GABRB3: variants seen among roughly 807,000 people sequenced by gnomAD.
GABRB3 encodes gamma-aminobutyric acid type A receptor subunit beta3.
GABRB3 carries 14 observed loss-of-function variants against 52.1 expected under a neutral mutation model. The observed-to-expected ratio is 0.27, with a 90% CI of 0.18 to 0.42. GABRB3 has a LOEUF of 0.42. GABRB3 is among the 10% of genes least tolerant of loss of function. GABRB3 has a pLI of 1.00. For synonymous variants in GABRB3, 260 were observed against 232.3 expected, an observed-to-expected ratio of 1.12 and a Z score of -1.08; for missense variants, 307 against 609.1, an observed-to-expected ratio of 0.50 and a Z score of 5.22.
At chr15:26,702,046 C>T (rs1020121019) in intron 3 of GABRB3, among the ~76,000 whole-genome samples, 3 of 152,204 alleles carry the variant, frequency 2.0e-5, no homozygotes, top group South Asian at 4.1e-4. Flanking sequence ...ATCCATACCC[C>T]AAAAAGAACT....
intron 3 of GABRB3, among the ~76,000 whole-genome samples, chr15:26,721,915 T>A (rs1814243877): frequency 6.6e-6 from 1 of 152,106 alleles, no homozygotes. Flanking sequence ...TGGTCCATGA[T>A]AATTCAATTA....
intron 8 of GABRB3, among the ~76,000 whole-genome samples, chr15:26,549,743 C>T (rs1349173342): frequency 2.0e-5 from 3 of 152,028 alleles, no homozygotes; most frequent in African/African-American, 7.2e-5. Flanking sequence ...CAGATTGAGC[C>T]CATGGCAGGA....
intron 3 of GABRB3, among the ~76,000 whole-genome samples, chr15:26,713,565 A>C (rs1889371058): frequency 6.6e-6 from 1 of 152,136 alleles, no homozygotes; most frequent in African/African-American, 2.4e-5. Context: ...GGCTGGAAAA[A>C]CATCAGAGAT....
At position 26,554,041 on chromosome 15, in the gene GABRB3, T is replaced by TTATATTTA. The variant is rs1555400774; in HGVS notation, c.1081-5908_1081-5907insTAAATATA. On this transcript the variant is annotated intron_variant, in intron 8 of 8. Transcript: ENST00000311550. The stretch of plus-strand genomic sequence containing the variant: ...ACTATTTATATATATATATATTTAT[T>TTATATTTA]TATTTATATTTATTTATATATAAAG... 2.3e-3 allele frequency among the ~76,000 whole-genome samples: 145 copies of TTATATTTA among 62,072 alleles called. 12 individuals carry two copies. Among genetic ancestry groups the TTATATTTA allele is most frequent in the African/African-American group, 2.9e-3 (47 of 16,116 alleles). 40.7% of individuals were successfully genotyped at this position (62,072 alleles called of 152,430 possible).
Position 26,621,467 on chromosome 15 carries a change from G to C in GABRB3, c.308C>G (p.Pro103Arg). 1 of 1,614,114 alleles carries C rather than the reference G, an allele frequency of 6.2e-7. No homozygotes were observed. The highest frequency in any genetic ancestry group is 8.5e-7 in the Non-Finnish European group (1 of 1,179,980). ...TCGATTGTCAAGCGTGAGGTTGAGA[G>C]GGATCCCAGAATAGGCGAGCCTTTT... ...RDKRLAYSGI[P>R]LNLTLDNRVA... The change falls in exon 4 of 9, where the codon CCT becomes CGT. Residue 103 changes from proline to arginine, a missense_variant. Pro to Arg is a moderately radical substitution (Grantham distance 103, BLOSUM62 -2). Around this residue, in one of 6 missense-constraint regions of GABRB3, gnomAD observed 31 missense variants for 71.2 expected, o/e 0.44. Coordinates refer to ENST00000311550, the MANE Select transcript of GABRB3 (RefSeq NM_000814.6). The surrounding 1 kb of genome is among the most constrained non-coding windows in gnomAD (Gnocchi z 4.1).
At chr15:26,592,843 T>A (rs1425791279) in intron 4 of GABRB3, among the ~76,000 whole-genome samples, 1 of 152,064 alleles carries the variant, frequency 6.6e-6, no homozygotes, top group African/African-American at 2.4e-5. Context: ...TGAAACCCCA[T>A]CTCTACTAAA....
chr15:26,656,308 G>A (rs980525053), intron 3 of GABRB3, among the ~76,000 whole-genome samples: 5 of 152,176 alleles, frequency 3.3e-5, no homozygotes, highest in Non-Finnish European at 7.4e-5. Flanking sequence ...GGCAAACTCA[G>A]TTCATCCTTC....
intron 3 of GABRB3, among the ~76,000 whole-genome samples, chr15:26,680,845 G>T (rs1888216797): frequency 6.6e-6 from 1 of 152,036 alleles, no homozygotes; most frequent in South Asian, 2.1e-4. Context: ...CCCAGAGAGG[G>T]GTTTGTTGTC....
chr15:26,725,479 A>G (rs918791361), intron 3 of GABRB3, among the ~76,000 whole-genome samples: 5 of 152,184 alleles, frequency 3.3e-5, no homozygotes, highest in Non-Finnish European at 5.9e-5. Flanking sequence ...AAAAGCGCCA[A>G]TGTTACTTGC....
chr15:26,748,227 C>T (rs998040530), intron 3 of GABRB3, among the ~76,000 whole-genome samples: 11 of 152,110 alleles, frequency 7.2e-5, no homozygotes, highest in African/African-American at 2.4e-4. Context: ...ATACTGGTTT[C>T]GTAAAATTAG....
chr15:26,575,809 A>C lies in GABRB3; in HGVS notation c.682+4510T>G, dbSNP rs192300195. Among the ~76,000 whole-genome samples the C allele has an allele frequency of 5.5e-3, 844 of 152,346 alleles. 9 individuals carry two copies. The highest frequency in any genetic ancestry group is 6.6e-3 in the Non-Finnish European group (448 of 68,030). On this transcript the variant is annotated intron_variant, in intron 6 of 8. Transcript: ENST00000311550. ...TTTTGCACCCTTCTCTTTTTCTTCC[A>C]ATCTTAGCCAAAGTATTTTGAAATA...
intron 8 of GABRB3, 64 bp from the exon 9 acceptor site, chr15:26,548,198 G>T: frequency 7.9e-7 from 1 of 1,269,058 alleles, no homozygotes; most frequent in Middle Eastern, 1.8e-4. Context: ...TGCAGATCCC[G>T]GACAGAATGA....
At chr15:26,549,351 A>G (rs1489224732) in intron 8 of GABRB3, among the ~76,000 whole-genome samples, 1 of 152,016 alleles carries the variant, frequency 6.6e-6, no homozygotes, top group African/African-American at 2.4e-5. Flanking sequence ...ATGGCCTCAG[A>G]CTTCAAGGGG....
chr15:26,687,659 G>C (rs1465685790), intron 3 of GABRB3, among the ~76,000 whole-genome samples: 2 of 151,754 alleles, frequency 1.3e-5, no homozygotes, highest in African/African-American at 2.4e-5. Flanking sequence ...CCTTTGTTTT[G>C]TTTTTCACTT....
At position 26,741,562 on chromosome 15, in the gene GABRB3, G is replaced by A. The variant is rs141774058; in HGVS notation, c.240+30840C>T. Among the ~76,000 whole-genome samples, 10 of 152,198 alleles carry A rather than the reference G, an allele frequency of 6.6e-5. 1 individual carries two copies. The East Asian group carries it at 1.9e-3, about 30-fold the overall frequency. ...TGTCCATCCTACGTATGCTGGTTTT[G>A]CAAATATTTATGACTGCAGCATCAT... is the stretch of plus-strand genomic sequence containing the variant. On this transcript the variant is annotated intron_variant, in intron 3 of 8. Coordinates refer to ENST00000311550, the MANE Select transcript of GABRB3 (RefSeq NM_000814.6).
At chr15:26,666,056 A>G (rs1370506226) in intron 3 of GABRB3, among the ~76,000 whole-genome samples, 1 of 152,210 alleles carries the variant, frequency 6.6e-6, no homozygotes, top group Non-Finnish European at 1.5e-5. Context: ...AAACATGCAC[A>G]CACAGACCAG....
chr15:26,629,595 G>T (rs936737232), intron 3 of GABRB3, among the ~76,000 whole-genome samples: 1 of 152,128 alleles, frequency 6.6e-6, no homozygotes, highest in Non-Finnish European at 1.5e-5. Context: ...GTGTCCAGGG[G>T]ATGCAGAAGT....
In GABRB3 at chr15:26,636,649, TA is replaced by T. The variant is rs1401923309; in HGVS notation, c.241-15116del. Among the ~76,000 whole-genome samples, 5 of 152,328 alleles carry T rather than the reference TA, an allele frequency of 3.3e-5. No individual in the cohort carries two copies. The East Asian group carries it at 7.7e-4, about 24-fold the overall frequency. ...TAAATGTTGTCTCCAACCAAATTTT[TA>T]AATCAAACTCCAGAATCAACTCAAC... On this transcript the variant is annotated intron_variant, in intron 3 of 8. Transcript: ENST00000311550.
Position 26,567,708 on chromosome 15 carries a change from G to A in GABRB3, c.708C>T (p.Ser236=), listed in dbSNP as rs1302231852. ...ATGAYPRLSL[S]FRLKRNIGYF... ...ATCCAATGTTCCTCTTCAACCGAAA[G>A]CTCAGTGACAGTCGAGGATAGGCAC... The change falls in exon 7 of 9, where the codon AGC becomes AGT. Residue 236 remains serine (S), a synonymous_variant. Coordinates refer to ENST00000311550, the MANE Select transcript of GABRB3 (RefSeq NM_000814.6). 1 of 1,614,102 alleles carries A rather than the reference G, an allele frequency of 6.2e-7. No individual in the cohort carries two copies. The highest frequency in any genetic ancestry group is 8.5e-7 in the Non-Finnish European group (1 of 1,180,022).
Sources: allele counts gnomAD v4.1 joint callset (sites outside exome capture counted in the v4.1 genomes callset), GRCh38; gene constraint gnomAD v4.1.1; regional missense constraint gnomAD v4.1.1; non-coding constraint Gnocchi (gnomAD v3.1); transcripts MANE v1.5; gene names NCBI Gene and HGNC (gene_info 2026-07-23, HGNC 2026-07-21).